Variants in GRM8 observed in about 807,000 individuals in gnomAD.
GRM8 encodes metabotropic glutamate receptor 8.
In GRM8, 47 loss-of-function variants were observed where a neutral mutation model predicts 87.2. The observed-to-expected ratio is 0.54, with a 90% confidence interval of 0.43 to 0.69. The LOEUF is 0.69. GRM8 is among the 30% of genes least tolerant of loss of function. The pLI, the probability that GRM8 is intolerant of heterozygous loss-of-function variation, is 0.00. For missense variants in GRM8, 1,019 were observed against 1,139.2 expected (o/e 0.89, Z 1.52); for synonymous variants, 396 against 404.5 (o/e 0.98, Z 0.25).
chr7:126,768,357 T>TAAAAAAAAAAAAAA lies in GRM8; in HGVS notation c.1357+1494_1357+1507dup, dbSNP rs57868820. On this transcript the variant is annotated intron_variant, in intron 7 of 10. Transcript: ENST00000339582. ...CAGCAGCAGCAACACTTTGATAATG[T>TAAAAAAAAAAAAAA]AAAAAAAAAAAAAAAAAAAAAAAAG... 4.9e-4 allele frequency among the ~76,000 whole-genome samples: 26 copies of TAAAAAAAAAAAAAA among 53,510 alleles called. 1 individual carries two copies. The highest frequency in any genetic ancestry group is 1.5e-3 in the East Asian group (2 of 1,362). 35.1% of individuals were successfully genotyped at this position (53,510 alleles called of 152,430 possible). A position where few individuals can be genotyped will look rare whatever the true frequency, so the allele number is the denominator to read the frequency against.
intron 9 of GRM8, among the ~76,000 whole-genome samples, chr7:126,463,558 G>C (rs1334969617): frequency 6.6e-6 from 1 of 151,568 alleles, no homozygotes. Context: ...TAGGTTCAGT[G>C]ACCTCGGTCT....
intron 7 of GRM8, among the ~76,000 whole-genome samples, chr7:126,727,063 T>C (rs1407558505): frequency 1.3e-5 from 2 of 152,038 alleles, no homozygotes; most frequent in East Asian, 3.8e-4. Context: ...ATTCTATACA[T>C]ACTTACGTGT....
At chr7:127,120,584 A>G (rs2133177586) in intron 2 of GRM8, among the ~76,000 whole-genome samples, 1 of 152,326 alleles carries the variant, frequency 6.6e-6, no homozygotes, top group African/African-American at 2.4e-5. Flanking sequence ...AAGCTCTGCT[A>G]TAGTATGAAA....
intron 7 of GRM8, among the ~76,000 whole-genome samples, chr7:126,613,290 T>C (rs1316133753): frequency 6.6e-6 from 1 of 152,202 alleles, no homozygotes; most frequent in East Asian, 1.9e-4. Context: ...GGCGAATTTT[T>C]TTTTTGTCCA....
At chr7:126,837,725 T>C (rs1454358631) in intron 6 of GRM8, among the ~76,000 whole-genome samples, 1 of 152,224 alleles carries the variant, frequency 6.6e-6, no homozygotes, top group African/African-American at 2.4e-5. Context: ...AGCAGAAGAT[T>C]TGTGATGCTA....
rs192848340 is a variant in GRM8, at chr7:127,179,955, G to A, written c.510+62740C>T. Among the ~76,000 whole-genome samples, 9 of 151,732 alleles carry A rather than the reference G, an allele frequency of 5.9e-5. No homozygotes were observed. In the South Asian group the frequency reaches 6.2e-4, roughly 10 times the overall value. The stretch of plus-strand genomic sequence containing the variant: ...ACCTCAAGGAGCAAGAGAAACAAGC[G>A]CAAACCAAACCCAAACCCAGCAGAA... On this transcript the variant is annotated intron_variant, in intron 2 of 10. Transcript: ENST00000339582.
At chr7:127,210,881 A>G (rs1315544306) in intron 2 of GRM8, among the ~76,000 whole-genome samples, 2 of 152,232 alleles carry the variant, frequency 1.3e-5, no homozygotes, top group East Asian at 3.8e-4. Flanking sequence ...TAGGTACCAC[A>G]TAGGTACCAA....
At chr7:127,163,370 T>G (rs1793237873) in intron 2 of GRM8, among the ~76,000 whole-genome samples, 1 of 152,166 alleles carries the variant, frequency 6.6e-6, no homozygotes, top group African/African-American at 2.4e-5. Context: ...CCCTGCTGGG[T>G]TGGCAGTGAC....
At chr7:126,908,908 A>G (rs920653793) in intron 3 of GRM8, among the ~76,000 whole-genome samples, 9 of 152,216 alleles carry the variant, frequency 5.9e-5, no homozygotes, top group Admixed American at 2.6e-4. Flanking sequence ...ATTTTATTAA[A>G]GTGTAGATAA....
chr7:126,809,183 TACTTATAAGGACCAC>T (rs1247654438), intron 6 of GRM8, among the ~76,000 whole-genome samples: 9 of 152,202 alleles, frequency 5.9e-5, no homozygotes, highest in Non-Finnish European at 1.3e-4. Flanking sequence ...CTTCTTCTTC[TACTTATAAGGACCAC>T]TGTGATTATA....
chr7:127,208,783 TCTC>T (rs1309905182), intron 2 of GRM8, among the ~76,000 whole-genome samples: 2 of 151,406 alleles, frequency 1.3e-5, no homozygotes, highest in African/African-American at 4.9e-5. Context: ...ATTACCAGTC[TCTC>T]CTCCACCACA....
At chr7:126,871,494 C>A (rs1799090781) in intron 6 of GRM8, among the ~76,000 whole-genome samples, 1 of 152,142 alleles carries the variant, frequency 6.6e-6, no homozygotes, top group African/African-American at 2.4e-5. Flanking sequence ...AATCACCTTT[C>A]TGAGCAGTAT....
intron 9 of GRM8, among the ~76,000 whole-genome samples, chr7:126,447,600 AAAAACAAAAC>A (rs769969237): frequency 3.3e-5 from 5 of 152,030 alleles, no homozygotes; most frequent in African/African-American, 7.2e-5. Context: ...ATAAAGAATC[AAAAACAAAAC>A]AAAACAAAAC....
At chr7:127,193,166 T>C (rs1795108886) in intron 2 of GRM8, among the ~76,000 whole-genome samples, 2 of 152,264 alleles carry the variant, frequency 1.3e-5, no homozygotes, top group Admixed American at 6.5e-5. Flanking sequence ...TGAGCCTTAC[T>C]CAAAGTAAAT....
At chr7:127,234,446 AGCT>A (rs1032357832) in intron 2 of GRM8, among the ~76,000 whole-genome samples, 3 of 152,360 alleles carry the variant, frequency 2.0e-5, no homozygotes, top group Non-Finnish European at 4.4e-5. Context: ...TCCACACAAC[AGCT>A]GCTGTGATTA....
chr7:127,193,541 A>C (rs1795127470), intron 2 of GRM8, among the ~76,000 whole-genome samples: 1 of 152,136 alleles, frequency 6.6e-6, no homozygotes, highest in African/African-American at 2.4e-5. Context: ...TCTCATATCA[A>C]CTCTAATTTG....
intron 9 of GRM8, among the ~76,000 whole-genome samples, chr7:126,504,506 A>C (rs1050077437): frequency 6.6e-6 from 1 of 151,942 alleles, no homozygotes; most frequent in South Asian, 2.1e-4. Context: ...TTTATGTATC[A>C]ATAGACATAT....
chr7:127,246,780 TTC>T (rs1798604104), intron 1 of GRM8, among the ~76,000 whole-genome samples: 1 of 152,228 alleles, frequency 6.6e-6, no homozygotes, highest in East Asian at 1.9e-4. Flanking sequence ...CTGCTTTATT[TTC>T]TACACACCTT....
intron 4 of GRM8, 89 bp downstream of exon 4, chr7:126,904,459 A>T: frequency 7.8e-7 from 1 of 1,282,402 alleles, no homozygotes; most frequent in Non-Finnish European, 1.1e-6. Context: ...GAAGGCAATT[A>T]CAAGCTTTTA....
Sources: gnomAD v4.1 joint callset for allele counts (sites outside exome capture counted in the v4.1 genomes callset) on GRCh38, gnomAD v4.1.1 for gene constraint, MANE v1.5 for transcripts, NCBI Gene and HGNC (gene_info 2026-07-23, HGNC 2026-07-21) for gene names.